Variants in CHAT observed in about 807,000 individuals in gnomAD.
CHAT encodes acetyl CoA:choline O-acetyltransferase.
In CHAT, 61 loss-of-function variants were observed where a neutral mutation model predicts 76.9. That is an observed-to-expected ratio of 0.79 (90% CI 0.65 to 0.98). The LOEUF (loss-of-function observed/expected upper bound fraction) is 0.98, where lower values mean the gene tolerates loss of function less well. CHAT is among the 50% of genes least tolerant of loss of function. The probability of loss-of-function intolerance (pLI) is 0.00; values close to 1 mark genes in which losing one functional copy is unlikely to be tolerated. For missense variants in CHAT, 946 were observed against 986.9 expected, an observed-to-expected ratio of 0.96 and a Z score of 0.56; for synonymous variants, 407 against 397.4, an observed-to-expected ratio of 1.02 and a Z score of -0.29.
chr10:49,665,002 A>G lies in CHAT; in HGVS notation c.2203A>G (p.Thr735Ala). The change falls in exon 15 of 15, where the codon ACA (threonine) becomes GCA (alanine). Residue 735 changes from threonine (T) to alanine (A), a missense_variant. Around this residue, in one of 3 missense-constraint regions of CHAT, gnomAD observed 349 missense variants for 393.9 expected, o/e 0.89. Transcript: ENST00000337653. ...LPPTESKPLA[T>A]KEKATRPSQG... ...GCCTACTGAGAGCAAGCCATTGGCA[A>G]CAAAGGAAAAAGCCACGAGGCCCAG... The G allele has an allele frequency of 8.1e-6, 13 of 1,614,246 alleles. No individual in the cohort carries two copies. Among genetic ancestry groups the G allele is most frequent in the Non-Finnish European group, 1.1e-5 (13 of 1,180,048 alleles).
At chr10:49,649,373 CA>C (rs1425876314) in intron 9 of CHAT, 134 bp from the exon 10 acceptor site, 5 of 1,256,804 alleles carry the variant, frequency 4.0e-6, no homozygotes, top group Non-Finnish European at 4.6e-6. Context: ...CACGGTGGTT[CA>C]GGGGCAGCTC....
rs1189534310 is a variant in CHAT, at chr10:49,655,413, G to A, written c.1804G>A (p.Asp602Asn). The A allele has an allele frequency of 6.2e-7, 1 of 1,614,124 alleles. No homozygotes were observed. The highest frequency in any genetic ancestry group is 1.1e-5 in the South Asian group (1 of 91,088). The change falls in exon 13 of 15, where the codon GAT becomes AAT. Residue 602 changes from aspartate to asparagine, a missense_variant. Asp to Asn is a conservative substitution (Grantham distance 23). Coordinates refer to ENST00000337653, the MANE Select transcript of CHAT (RefSeq NM_020549.5). ...PASEKLLLLKDAIRAQTAYTV... is the reference protein window; with the variant it reads ...PASEKLLLLKNAIRAQTAYTV... ...TTCTGAGAAGCTTCTGCTCCTGAAG[G>A]ATGCCATCCGTGCCCAGACTGCATA...
At chr10:49,638,635 A>G (rs1839372924) in intron 7 of CHAT, among the ~76,000 whole-genome samples, 1 of 152,198 alleles carries the variant, frequency 6.6e-6, no homozygotes, top group Non-Finnish European at 1.5e-5. Context: ...ATTACCTTGT[A>G]TATACATAAC....
In CHAT at chr10:49,665,027, G is replaced by GC; in HGVS notation, c.2230dup (p.Gln744ProfsTer59). ...ACAAAGGAAAAAGCCACGAGGCCCA[G>GC]CCAGGGACACCAACCTTGACTCCTG... is the stretch of plus-strand genomic sequence containing the variant. On this transcript the variant is annotated frameshift_variant, in exon 15 of 15. Transcript: ENST00000337653. LOFTEE classifies it high-confidence loss of function. The GC allele has an allele frequency of 6.2e-7, 1 of 1,614,046 alleles. No individual in the cohort carries two copies. Among genetic ancestry groups the GC allele is most frequent in the Non-Finnish European group, 8.5e-7 (1 of 1,180,046 alleles).
intron 1 of CHAT, chr10:49,615,888 G>A (rs979665188): frequency 1.6e-5 from 11 of 680,804 alleles, no homozygotes; most frequent in Admixed American, 5.2e-5. Context: ...AGGTCACAAC[G>A]CCTCCAGCAG....
intron 7 of CHAT, among the ~76,000 whole-genome samples, chr10:49,635,300 T>C (rs991375628): frequency 2.6e-5 from 4 of 152,222 alleles, no homozygotes; most frequent in African/African-American, 9.6e-5. Context: ...TGATATTCCA[T>C]GGTGCTAGGT....
chr10:49,655,279 C>T (rs762612772), intron 12 of CHAT, 43 bp downstream of exon 12: 2 of 1,613,964 alleles, frequency 1.2e-6, no homozygotes, highest in South Asian at 2.2e-5. Flanking sequence ...ACCAGTGAGG[C>T]TGCTGTGGTT....
intron 7 of CHAT, among the ~76,000 whole-genome samples, chr10:49,641,546 T>C (rs1839480994): frequency 6.6e-6 from 1 of 152,072 alleles, no homozygotes; most frequent in African/African-American, 2.4e-5. Flanking sequence ...ATTCTCATAG[T>C]CTCTGAGGAC....
Position 49,666,557 on chromosome 10 carries a change from C to T in CHAT, c.*1511C>T, listed in dbSNP as rs912188726. Reference sequence around the variant, plus strand: ...ATCCTGTAGGTCTCCCTTCTTTGTGCCACTGTGAAGGCTCTCCACACTTCG... The same window carrying T: ...ATCCTGTAGGTCTCCCTTCTTTGTGTCACTGTGAAGGCTCTCCACACTTCG... On this transcript the variant is annotated 3_prime_UTR_variant, in exon 15 of 15. Coordinates refer to ENST00000337653, the MANE Select transcript of CHAT (RefSeq NM_020549.5). Among the ~76,000 whole-genome samples, 13 of 152,134 alleles carry T rather than the reference C, an allele frequency of 8.5e-5. No homozygotes were observed. The highest frequency in any genetic ancestry group is 2.4e-4 in the African/African-American group (10 of 41,432).
At position 49,614,513 on chromosome 10, in the gene CHAT, T is replaced by C. The variant is rs148591667; in HGVS notation, c.286+38T>C. 1.6e-3 allele frequency: 2,194 copies of C among 1,406,860 alleles called. 25 individuals carry two copies. In the African/African-American group the frequency reaches 0.029, roughly 18 times the overall value. The allele number at this position is 1,406,860 out of a possible 1,614,324, so 87.1% of individuals were successfully genotyped here. A position where few individuals can be genotyped will look rare whatever the true frequency, so the allele number is the denominator to read the frequency against. On this transcript the variant is annotated intron_variant, in intron 1 of 14. Transcript: ENST00000337653. ...GCTGGGCTGGGCTGGCGGAGCGCGG[T>C]GCCGGGAGCAAGGGCGGCGGTCGGG... is the stretch of plus-strand genomic sequence containing the variant.
At chr10:49,611,522 C>T (rs372156658), upstream of CHAT, 19 of 1,601,936 alleles carry the variant, frequency 1.2e-5, no homozygotes, top group Non-Finnish European at 1.6e-5. Flanking sequence ...TTGCTGCTGG[C>T]AGTGGCCAAA....
chr10:49,622,607 A>G (rs1202928870), intron 5 of CHAT, among the ~76,000 whole-genome samples: 1 of 152,160 alleles, frequency 6.6e-6, no homozygotes, highest in Non-Finnish European at 1.5e-5. Flanking sequence ...CTGCTCAAGC[A>G]CCGCAGGCTC....
chr10:49,621,277 C>T (rs1038396688), intron 4 of CHAT, among the ~76,000 whole-genome samples: 1 of 152,196 alleles, frequency 6.6e-6, no homozygotes, highest in Admixed American at 6.5e-5. Context: ...CCCACCTCTC[C>T]TCTGGGCAGG....
At position 49,647,751 on chromosome 10, in the gene CHAT, CCTTCCTTCCTTCCTTCCTT is replaced by C. The variant is rs1179025648; in HGVS notation, c.1282-754_1282-736del. 4.4e-3 allele frequency among the ~76,000 whole-genome samples: 41 copies of C among 9,244 alleles called. 1 individual carries two copies. The South Asian group carries it at 0.15, about 34-fold the overall frequency. The allele number at this position is 9,244 out of a possible 152,430, so 6.1% of individuals were successfully genotyped here. ...TCAAAAGACACCGCTTTCCTTCCTT[CCTTCCTTCCTTCCTTCCTT>C]CCTTCCTTCCTTCCTTCCTTCCTTC... On this transcript the variant is annotated intron_variant, in intron 8 of 14. Coordinates refer to ENST00000337653, the MANE Select transcript of CHAT (RefSeq NM_020549.5).
chr10:49,660,925 A>G (rs1425202404), intron 13 of CHAT, among the ~76,000 whole-genome samples: 1 of 152,188 alleles, frequency 6.6e-6, no homozygotes, highest in African/African-American at 2.4e-5. Context: ...TGGAGAAATA[A>G]AGTTCCAATG....
At chr10:49,640,704 C>T (rs1452173322) in intron 7 of CHAT, among the ~76,000 whole-genome samples, 1 of 151,564 alleles carries the variant, frequency 6.6e-6, no homozygotes, top group African/African-American at 2.4e-5. Flanking sequence ...CCTTTGCTGG[C>T]AAGGGTGCTG....
At chr10:49,630,476 A>G (rs948917177) in intron 7 of CHAT, among the ~76,000 whole-genome samples, 3 of 152,210 alleles carry the variant, frequency 2.0e-5, no homozygotes, top group African/African-American at 7.2e-5. Flanking sequence ...AGGAGAACAA[A>G]TGCTTGCACA....
intron 2 of CHAT, among the ~76,000 whole-genome samples, chr10:49,617,947 G>A (rs1336969412): frequency 2.0e-5 from 3 of 152,198 alleles, no homozygotes; most frequent in Admixed American, 6.5e-5. Context: ...GCAGAGGGCC[G>A]TCATTCATCC....
intron 7 of CHAT, among the ~76,000 whole-genome samples, chr10:49,645,577 G>A (rs955759230): frequency 5.3e-5 from 8 of 152,210 alleles, no homozygotes; most frequent in Middle Eastern, 3.4e-3. Flanking sequence ...AGGTCCTGCC[G>A]GGTGGGCTTG....
Sources: gnomAD v4.1 joint callset for allele counts (sites outside exome capture counted in the v4.1 genomes callset) on GRCh38, gnomAD v4.1.1 for gene constraint, gnomAD v4.1.1 regional missense constraint, MANE v1.5 for transcripts, NCBI Gene and HGNC (gene_info 2026-07-23, HGNC 2026-07-21) for gene names.